ENTPD3: variants seen among roughly 807,000 people sequenced by gnomAD.
ENTPD3 encodes the protein CD39 antigen-like 3.
In ENTPD3, 60 loss-of-function variants were observed where a neutral mutation model predicts 51.2. That is an observed-to-expected ratio of 1.17 (90% CI 0.95 to 1.45). ENTPD3 has a LOEUF of 1.45. Ranked by LOEUF, ENTPD3 falls within the 40% of genes most tolerant of loss-of-function variation. The pLI is 0.00. For missense variants in ENTPD3, 593 were observed against 641.1 expected, an observed-to-expected ratio of 0.93 and a Z score of 0.81; for synonymous variants, 221 against 238.4, an observed-to-expected ratio of 0.93 and a Z score of 0.67.
chr3:40,417,439 G>A (rs1034552443), intron 7 of ENTPD3, among the ~76,000 whole-genome samples: 2 of 152,036 alleles, frequency 1.3e-5, no homozygotes, highest in African/African-American at 4.8e-5. Flanking sequence ...TGAAGCGGAA[G>A]GTGCCATACA....
intron 7 of ENTPD3, among the ~76,000 whole-genome samples, chr3:40,417,504 G>C (rs1332222675): frequency 6.6e-6 from 1 of 151,858 alleles, no homozygotes; most frequent in East Asian, 1.9e-4. Context: ...GAACAGCAAG[G>C]GGGAAATCCA....
intron 4 of ENTPD3, among the ~76,000 whole-genome samples, chr3:40,408,294 G>C (rs1358728882): frequency 6.6e-6 from 1 of 152,042 alleles, no homozygotes; most frequent in African/African-American, 2.4e-5. Flanking sequence ...TAGGTATCAT[G>C]GTTATATTTT....
chr3:40,425,187 G>A (rs1484247884), intron 10 of ENTPD3, among the ~76,000 whole-genome samples: 1 of 152,224 alleles, frequency 6.6e-6, no homozygotes. Context: ...GGAGGCCGAG[G>A]CAGGCGGATC....
In ENTPD3 at chr3:40,388,050, G is replaced by A. The variant is rs1954977178; in HGVS notation, c.-8G>A. 3.7e-6 allele frequency: 6 copies of A among 1,613,776 alleles called. No individual in the cohort carries two copies. Among genetic ancestry groups the A allele is most frequent in the South Asian group, 3.3e-5 (3 of 91,048 alleles). On this transcript the variant is annotated 5_prime_UTR_variant, in exon 2 of 11. Transcript: ENST00000301825. ...CCTGTATTCTCTCACCTGCAGCTAG[G>A]AGAAAAGATGTTCACTGTGCTGACC...
At chr3:40,395,785 G>A (rs914270102) in intron 3 of ENTPD3, among the ~76,000 whole-genome samples, 1 of 152,206 alleles carries the variant, frequency 6.6e-6, no homozygotes, top group East Asian at 1.9e-4. Context: ...TAAGCCTTCA[G>A]GCAGGTGGAA....
chr3:40,420,866 G>A (rs1955854599), intron 7 of ENTPD3, among the ~76,000 whole-genome samples: 1 of 151,960 alleles, frequency 6.6e-6, no homozygotes. Flanking sequence ...AGATTTTACT[G>A]TAGGGTGGCC....
At chr3:40,410,799 TAGAC>T (rs10565031) in intron 4 of ENTPD3, among the ~76,000 whole-genome samples, 23,909 of 151,736 alleles carry the variant, frequency 0.16, 5,312 homozygotes, top group African/African-American at 0.5. Flanking sequence ...GCAGAACTAA[TAGAC>T]AGAAAGAGAC....
rs58000344 is a variant in ENTPD3, at chr3:40,402,123, C to CTTTTTTTTTTTTTTTT, written c.286+1125_286+1126insTTTTTTTTTTTTTTTT. Among the ~76,000 whole-genome samples the CTTTTTTTTTTTTTTTT allele has an allele frequency of 7.4e-5, 7 of 95,072 alleles. 1 individual carries two copies. Among genetic ancestry groups the CTTTTTTTTTTTTTTTT allele is most frequent in the Admixed American group, 1.6e-4 (1 of 6,248 alleles). The allele number at this position is 95,072 out of a possible 152,430, so 62.4% of individuals were successfully genotyped here. ...TTCATTTCCTTTCCTTTTTTTTTTTCTTTTTTTTTTTTTGAGACAGAGTCT... is the reference window on the plus strand; with the variant it reads ...TTCATTTCCTTTCCTTTTTTTTTTTCTTTTTTTTTTTTTTTTTTTTTTTTTTTTTGAGACAGAGTCT... On this transcript the variant is annotated intron_variant, in intron 4 of 10. Transcript: ENST00000301825.
In ENTPD3 at chr3:40,423,468, G is replaced by C. The variant is rs548929248; in HGVS notation, c.1215+67G>C. ...ATATGGTAGAATCTATTCTATGTGTGTGTATTCTGAATTTAGCCTTTATGC... is the reference window on the plus strand; with the variant it reads ...ATATGGTAGAATCTATTCTATGTGTCTGTATTCTGAATTTAGCCTTTATGC... On this transcript the variant is annotated intron_variant, in intron 9 of 10. Coordinates refer to ENST00000301825, the MANE Select transcript of ENTPD3 (RefSeq NM_001248.4). 4 of 1,141,178 alleles carry C rather than the reference G, an allele frequency of 3.5e-6. No individual in the cohort carries two copies. In the African/African-American group the frequency reaches 6.2e-5, roughly 18 times the overall value. 70.7% of individuals were successfully genotyped at this position (1,141,178 alleles called of 1,614,324 possible). A position where few individuals can be genotyped will look rare whatever the true frequency, so the allele number is the denominator to read the frequency against.
chr3:40,421,076 T>C (rs571257673), intron 7 of ENTPD3, among the ~76,000 whole-genome samples: 2 of 149,524 alleles, frequency 1.3e-5, no homozygotes, highest in Non-Finnish European at 3.0e-5. Flanking sequence ...CAGGCTGGAG[T>C]GTAATGGTGC....
intron 2 of ENTPD3, 44 bp downstream of exon 2, chr3:40,388,141 G>T (rs760313818): frequency 3.2e-6 from 5 of 1,581,478 alleles, no homozygotes; most frequent in Middle Eastern, 1.7e-4. Context: ...TTGCCAAATC[G>T]CAAGAGAACC....
intron 4 of ENTPD3, among the ~76,000 whole-genome samples, chr3:40,401,712 A>G (rs1203047067): frequency 6.6e-6 from 1 of 152,238 alleles, no homozygotes; most frequent in Non-Finnish European, 1.5e-5. Flanking sequence ...TTCTCATATC[A>G]TGAAATGTAA....
intron 9 of ENTPD3, among the ~76,000 whole-genome samples, chr3:40,423,608 T>C (rs1389757739): frequency 1.3e-5 from 2 of 152,240 alleles, no homozygotes; most frequent in Non-Finnish European, 2.9e-5. Context: ...ATATTTGGCA[T>C]ATAATAAGCA....
chr3:40,398,971 C>A (rs75719899), intron 3 of ENTPD3, among the ~76,000 whole-genome samples: 2,392 of 152,214 alleles, frequency 0.016, 30 homozygotes, highest in Middle Eastern at 0.058. Context: ...GTAATACCAG[C>A]AGCATTTTGG....
At chr3:40,387,990 A>C (rs1954976181) in intron 1 of ENTPD3, 56 bp from the exon 2 acceptor site, 3 of 1,464,468 alleles carry the variant, frequency 2.0e-6, no homozygotes, top group Admixed American at 1.7e-5. Flanking sequence ...TCGTTCTTTA[A>C]ACTTGTGAGG....
At chr3:40,399,863 T>C (rs1559509572) in intron 3 of ENTPD3, among the ~76,000 whole-genome samples, 1 of 152,190 alleles carries the variant, frequency 6.6e-6, no homozygotes, top group Admixed American at 6.5e-5. Flanking sequence ...TGTTCATTTG[T>C]TGACATACAC....
intron 3 of ENTPD3, 52 bp downstream of exon 3, chr3:40,392,202 GA>G (rs770877559): frequency 6.3e-7 from 1 of 1,590,168 alleles, no homozygotes. Context: ...TAAAGGGGAA[GA>G]AATCAATTAT....
intron 7 of ENTPD3, among the ~76,000 whole-genome samples, chr3:40,418,674 TAAAGG>T (rs1955798058): frequency 6.6e-6 from 1 of 152,198 alleles, no homozygotes; most frequent in Non-Finnish European, 1.5e-5. Flanking sequence ...CCAAAAACTA[TAAAGG>T]ATTTATTTAA....
At position 40,391,823 on chromosome 3, in the gene ENTPD3, A is replaced by G. The variant is rs1040855995; in HGVS notation, c.41-200A>G. ...GTACACAATTTGTGAGGAAGGGCAA[A>G]TAGGTATTGTTTGTGCTTCCCCAAA... On this transcript the variant is annotated intron_variant, in intron 2 of 10. Coordinates refer to ENST00000301825, the MANE Select transcript of ENTPD3 (RefSeq NM_001248.4). The G allele has an allele frequency of 8.1e-6, 5 of 620,944 alleles. No individual in the cohort carries two copies. The African/African-American group carries it at 9.1e-5, about 11-fold the overall frequency. The allele number at this position is 620,944 out of a possible 1,614,324, so 38.5% of individuals were successfully genotyped here.
Sources: gnomAD v4.1 joint callset for allele counts (sites outside exome capture counted in the v4.1 genomes callset) on GRCh38, gnomAD v4.1.1 for gene constraint, MANE v1.5 for transcripts, NCBI Gene and HGNC (gene_info 2026-07-23, HGNC 2026-07-21) for gene names.